FER: variants seen among roughly 807,000 people sequenced by gnomAD.
The protein encoded by FER is tyrosine-protein kinase Fer.
A neutral mutation model predicts 111.0 loss-of-function variants in FER; 63 were observed. That is an observed-to-expected ratio of 0.57 (90% CI 0.46 to 0.70). FER has a LOEUF of 0.70. FER is among the 30% of genes least tolerant of loss of function. FER has a pLI of 0.00. For missense variants in FER, 914 were observed against 954.0 expected (o/e 0.96, Z 0.55); for synonymous variants, 327 against 313.9 (o/e 1.04, Z -0.44).
At chr5:108,913,291 G>T (rs191557747) in intron 10 of FER, among the ~76,000 whole-genome samples, 13 of 152,192 alleles carry the variant, frequency 8.5e-5, no homozygotes, top group Non-Finnish European at 1.2e-4. Context: ...CAGCATTTAG[G>T]TTGCAGTTTT....
intron 3 of FER, among the ~76,000 whole-genome samples, chr5:108,799,683 G>T (rs1234556851): frequency 1.3e-5 from 2 of 151,922 alleles, no homozygotes; most frequent in African/African-American, 4.8e-5. Flanking sequence ...TTCATCTGTG[G>T]GTATAAAGCC....
intron 10 of FER, among the ~76,000 whole-genome samples, chr5:108,925,140 G>C (rs1184153974): frequency 1.3e-5 from 2 of 150,748 alleles, no homozygotes; most frequent in South Asian, 2.1e-4. Flanking sequence ...ACATGGCTCA[G>C]ATTTTAAACT....
intron 16 of FER, among the ~76,000 whole-genome samples, chr5:109,071,042 A>T (rs1458689596): frequency 6.6e-6 from 1 of 152,080 alleles, no homozygotes; most frequent in Admixed American, 6.5e-5. Flanking sequence ...GAATGTTCCA[A>T]ATTCGTGTAT....
chr5:109,015,617 A>G (rs1382719430), intron 13 of FER, among the ~76,000 whole-genome samples: 2 of 152,036 alleles, frequency 1.3e-5, no homozygotes, highest in African/African-American at 2.4e-5. Context: ...CATAAGCATG[A>G]ACAGAACTGT....
At chr5:108,864,231 C>G (rs939804303) in intron 5 of FER, among the ~76,000 whole-genome samples, 3 of 152,116 alleles carry the variant, frequency 2.0e-5, no homozygotes, top group Non-Finnish European at 4.4e-5. Context: ...TATTTGTGAA[C>G]TCTAGAATTT....
At chr5:108,814,310 G>A (rs1000451770) in intron 3 of FER, among the ~76,000 whole-genome samples, 7 of 152,074 alleles carry the variant, frequency 4.6e-5, no homozygotes, top group African/African-American at 1.4e-4. Context: ...TGGATCTCGC[G>A]CAAGAAATAA....
At chr5:108,822,741 T>TTA (rs1457071411) in intron 3 of FER, among the ~76,000 whole-genome samples, 3 of 142,284 alleles carry the variant, frequency 2.1e-5, no homozygotes, top group African/African-American at 8.0e-5. Flanking sequence ...TTATTTTATT[T>TTA]TATTTTATTT....
At chr5:109,010,026 G>T (rs1326501426) in intron 13 of FER, among the ~76,000 whole-genome samples, 1 of 152,196 alleles carries the variant, frequency 6.6e-6, no homozygotes, top group African/African-American at 2.4e-5. Context: ...ATGAGAAAGA[G>T]ACACTACCTC....
chr5:108,866,078 A>C (rs764274936), intron 5 of FER, among the ~76,000 whole-genome samples: 1 of 152,214 alleles, frequency 6.6e-6, no homozygotes, highest in African/African-American at 2.4e-5. Context: ...CAGCCATCCC[A>C]TTACTGAGTA....
intron 9 of FER, among the ~76,000 whole-genome samples, chr5:108,896,995 A>T (rs1310104343): frequency 6.6e-6 from 1 of 152,182 alleles, no homozygotes; most frequent in African/African-American, 2.4e-5. Context: ...TGAAATTCCC[A>T]TTGAAGGCAG....
intron 13 of FER, among the ~76,000 whole-genome samples, chr5:109,021,666 A>G (rs1466058945): frequency 6.6e-6 from 1 of 152,098 alleles, no homozygotes; most frequent in East Asian, 1.9e-4. Context: ...CATATATCCC[A>G]TCTCATTACT....
intron 11 of FER, among the ~76,000 whole-genome samples, chr5:108,952,378 A>G (rs1459956931): frequency 6.6e-6 from 1 of 152,078 alleles, no homozygotes; most frequent in South Asian, 2.1e-4. Flanking sequence ...TTGAAATCAT[A>G]TTGATAAAAA....
At chr5:109,136,471 CAT>C (rs1472849698) in intron 17 of FER, among the ~76,000 whole-genome samples, 1 of 152,064 alleles carries the variant, frequency 6.6e-6, no homozygotes, top group Non-Finnish European at 1.5e-5. Flanking sequence ...ACATAAATAT[CAT>C]ATAAAAGTAA....
intron 12 of FER, 79 bp downstream of exon 12, chr5:108,955,011 T>G (rs1449061595): frequency 1.6e-6 from 2 of 1,220,650 alleles, no homozygotes; most frequent in East Asian, 4.9e-5. Context: ...ACGAATGGTT[T>G]GTGATAAATG....
At chr5:108,865,368 C>T (rs1449572992) in intron 5 of FER, among the ~76,000 whole-genome samples, 2 of 152,106 alleles carry the variant, frequency 1.3e-5, no homozygotes, top group Non-Finnish European at 2.9e-5. Context: ...CCTGATTGCC[C>T]TGGCCAGAAC....
At chr5:108,929,191 A>G (rs955378728) in intron 10 of FER, among the ~76,000 whole-genome samples, 1 of 152,136 alleles carries the variant, frequency 6.6e-6, no homozygotes. Context: ...TCCTGCAGTA[A>G]TTAGTAAAAA....
At chr5:109,143,027 A>C (rs551808844) in intron 17 of FER, among the ~76,000 whole-genome samples, 100 of 152,246 alleles carry the variant, frequency 6.6e-4, no homozygotes, top group Non-Finnish European at 1.2e-3. Flanking sequence ...AAAAAGCAGC[A>C]ACCTTGCACC....
At chr5:108,996,288 G>A (rs1763969378) in intron 13 of FER, among the ~76,000 whole-genome samples, 3 of 152,080 alleles carry the variant, frequency 2.0e-5, no homozygotes, top group African/African-American at 7.2e-5. Context: ...TGTCAACTTT[G>A]GATTTTGTTG....
At chr5:109,074,235 A>G (rs1251751145) in intron 16 of FER, among the ~76,000 whole-genome samples, 3 of 152,316 alleles carry the variant, frequency 2.0e-5, no homozygotes, top group African/African-American at 4.8e-5. Context: ...TGAAGCAAAG[A>G]GAGACTAAGT....
Sources: allele counts gnomAD v4.1 joint callset (sites outside exome capture counted in the v4.1 genomes callset), GRCh38; gene constraint gnomAD v4.1.1; transcripts MANE v1.5; gene names NCBI Gene and HGNC (gene_info 2026-07-23, HGNC 2026-07-21).